Variants in TNS1 observed in about 807,000 individuals in gnomAD.
The protein encoded by TNS1 is tensin 1.
In TNS1, 62 loss-of-function variants were observed where a neutral mutation model predicts 168.6. The observed-to-expected ratio is 0.37, with a 90% CI of 0.30 to 0.45. The LOEUF (loss-of-function observed/expected upper bound fraction) is 0.45, where lower values mean the gene tolerates loss of function less well. Ranked by LOEUF, TNS1 falls within the 20% of genes least tolerant of loss-of-function variation. The pLI is 1.00. For synonymous variants in TNS1, 934 were observed against 933.2 expected (o/e 1.00, Z -0.02); for missense variants, 2,240 against 2,339.4 (o/e 0.96, Z 0.88).
At chr2:217,957,439 G>A (rs533516001) in intron 3 of TNS1, among the ~76,000 whole-genome samples, 9 of 152,268 alleles carry the variant, frequency 5.9e-5, no homozygotes, top group Non-Finnish European at 1.2e-4. Flanking sequence ...AGAGGGAGCC[G>A]ACACTGGACT....
intron 1 of TNS1, among the ~76,000 whole-genome samples, chr2:217,997,861 C>T (rs539425942): frequency 1.3e-5 from 2 of 152,240 alleles, no homozygotes; most frequent in Admixed American, 6.5e-5. Flanking sequence ...GCCAGGTAGA[C>T]GTGTCAGACA....
chr2:217,934,419 C>T (rs1956492541), intron 3 of TNS1, among the ~76,000 whole-genome samples: 1 of 152,168 alleles, frequency 6.6e-6, no homozygotes, highest in Non-Finnish European at 1.5e-5. Flanking sequence ...TCCGGAGCCC[C>T]AGACAGCTCT....
intron 1 of TNS1, among the ~76,000 whole-genome samples, chr2:218,017,848 A>G (rs1958775530): frequency 6.6e-6 from 1 of 152,116 alleles, no homozygotes; most frequent in African/African-American, 2.4e-5. Flanking sequence ...TGCCAGCTGC[A>G]CACTGCCCAC....
intron 2 of TNS1, among the ~76,000 whole-genome samples, chr2:217,987,967 C>T (rs1197776528): frequency 2.0e-5 from 3 of 152,230 alleles, no homozygotes; most frequent in Non-Finnish European, 4.4e-5. Context: ...TCCTGCATCT[C>T]CCACCAGTGA....
At chr2:217,831,417 C>T (rs765201042) in intron 22 of TNS1, 38 bp downstream of exon 22, 6 of 1,522,814 alleles carry the variant, frequency 3.9e-6, no homozygotes, top group South Asian at 1.2e-5. Context: ...TCCTCCTCCC[C>T]CTGGCCCCCC....
At chr2:217,890,865 G>A (rs1315532376) in intron 12 of TNS1, 97 bp downstream of exon 12, 3 of 1,348,974 alleles carry the variant, frequency 2.2e-6, no homozygotes, top group Admixed American at 3.5e-5. Context: ...CCCCCACCTA[G>A]GCACAGCTAT....
chr2:217,968,801 CT>C (rs112020099), intron 3 of TNS1, among the ~76,000 whole-genome samples: 2,300 of 152,258 alleles, frequency 0.015, 66 homozygotes, highest in African/African-American at 0.053. Flanking sequence ...TTCAAGAGAT[CT>C]TCCTACGTCA....
At chr2:217,855,647 G>A (rs769075224) in intron 18 of TNS1, among the ~76,000 whole-genome samples, 1 of 152,112 alleles carries the variant, frequency 6.6e-6, no homozygotes, top group Non-Finnish European at 1.5e-5. Context: ...GATGCCTCTT[G>A]AAGTTCAATA....
In TNS1 at chr2:217,808,596, G is replaced by GC. The variant is rs1467432114; in HGVS notation, c.5342+6_5342+7insG. 3.1e-6 allele frequency: 5 copies of GC among 1,613,814 alleles called. No homozygotes were observed. Among genetic ancestry groups the GC allele is most frequent in the Non-Finnish European group, 4.2e-6 (5 of 1,179,848 alleles). On this transcript the variant is annotated splice_region_variant and intron_variant, in intron 31 of 32. Transcript: ENST00000682258. ...TGTGGGAGAGAAGCTGTGTACAAGAGACTTACTTTCTTTCCTGTGGATCCA... is the reference window on the plus strand; with the variant it reads ...TGTGGGAGAGAAGCTGTGTACAAGAGCACTTACTTTCTTTCCTGTGGATCCA...
rs747564400 is a variant in TNS1, at chr2:217,848,396, G to A, written c.2121C>T (p.Tyr707=). The change falls in exon 19 of 33, where the codon TAC becomes TAT. Residue 707 remains tyrosine (Y), a synonymous_variant. Coordinates refer to ENST00000682258, the MANE Select transcript of TNS1 (RefSeq NM_001387777.1). ...AGHTAPMRPS[Y]SAQEGLAGYQ... ...AGCCAGCTAAACCCTCCTGTGCAGA[G>A]TAGGAGGGCCGCATGGGGGCCGTGT... The A allele has an allele frequency of 1.3e-6, 2 of 1,582,600 alleles. No individual in the cohort carries two copies. The highest frequency in any genetic ancestry group is 1.7e-6 in the Non-Finnish European group (2 of 1,162,936).
chr2:218,033,551 C>G lies in TNS1; in HGVS notation c.156+269G>C, dbSNP rs537936690. On this transcript the variant is annotated intron_variant, in intron 1 of 1. Transcript: ENST00000649572. The surrounding 1 kb of genome is among the most constrained non-coding windows in gnomAD (Gnocchi z 4.3). ...TGGGTGACTCCTAAACCAACCTCACCCAACCTATTTGCCCTTCTAGGGGTC... is the reference window on the plus strand; with the variant it reads ...TGGGTGACTCCTAAACCAACCTCACGCAACCTATTTGCCCTTCTAGGGGTC... 6.6e-6 allele frequency among the ~76,000 whole-genome samples: 1 copy of G among 152,298 alleles called. No homozygotes were observed. Among genetic ancestry groups the G allele is most frequent in the South Asian group, 2.1e-4 (1 of 4,828 alleles).
At chr2:218,010,510 G>A (rs1958696569), upstream of TNS1, 1 of 237,114 alleles carries the variant, frequency 4.2e-6, no homozygotes. Flanking sequence ...TCCCCTGGCT[G>A]CGTGACAGCC....
At chr2:217,858,064 G>A (rs1474363533) in intron 18 of TNS1, among the ~76,000 whole-genome samples, 1 of 152,170 alleles carries the variant, frequency 6.6e-6, no homozygotes, top group African/African-American at 2.4e-5. Context: ...GTGCCCCAAA[G>A]CTCAGGCCAA....
At chr2:217,856,222 TAAG>T (rs2125499630) in intron 18 of TNS1, among the ~76,000 whole-genome samples, 1 of 152,212 alleles carries the variant, frequency 6.6e-6, no homozygotes, top group Non-Finnish European at 1.5e-5. Context: ...TGCGGGAGCC[TAAG>T]AAGTGGCTCA....
At chr2:217,837,150 C>T (rs748257647) in intron 19 of TNS1, among the ~76,000 whole-genome samples, 9 of 152,284 alleles carry the variant, frequency 5.9e-5, no homozygotes, top group Middle Eastern at 3.4e-3. Context: ...AAGAGATTCC[C>T]CGCCCTGCTT....
chr2:217,991,805 C>T (rs752728541), intron 1 of TNS1, among the ~76,000 whole-genome samples: 13 of 151,814 alleles, frequency 8.6e-5, no homozygotes, highest in Non-Finnish European at 1.9e-4. Flanking sequence ...TGCCCCAGCC[C>T]GGAAGGCTTC....
intron 1 of TNS1, among the ~76,000 whole-genome samples, chr2:218,027,794 A>C (rs1559414839): frequency 6.6e-6 from 1 of 152,178 alleles, no homozygotes; most frequent in Non-Finnish European, 1.5e-5. Flanking sequence ...AGAGGGGCTG[A>C]AAGGTGAGCA....
At chr2:217,873,889 C>T (rs1949986843) in intron 18 of TNS1, among the ~76,000 whole-genome samples, 1 of 152,108 alleles carries the variant, frequency 6.6e-6, no homozygotes, top group Admixed American at 6.5e-5. Context: ...CCTGTGCAAC[C>T]CCACCAGGCA....
chr2:217,827,519 C>T (rs150235458), intron 22 of TNS1, among the ~76,000 whole-genome samples: 1 of 152,206 alleles, frequency 6.6e-6, no homozygotes, highest in African/African-American at 2.4e-5. Context: ...CGCTCCACTC[C>T]CCAGGCCACG....
Sources: allele counts gnomAD v4.1 joint callset (sites outside exome capture counted in the v4.1 genomes callset), GRCh38; gene constraint gnomAD v4.1.1; non-coding constraint Gnocchi (gnomAD v3.1); transcripts MANE v1.5; gene names NCBI Gene and HGNC (gene_info 2026-07-23, HGNC 2026-07-21).